RGS7: variants seen among roughly 807,000 people sequenced by gnomAD.
RGS7 encodes regulator of G protein signaling 7, also known as regulator of G-protein signaling 7.
A neutral mutation model predicts 81.1 loss-of-function variants in RGS7; 27 were observed. The observed-to-expected ratio is 0.33, with a 90% CI of 0.25 to 0.46. The LOEUF is 0.46. Among genes scored for constraint, RGS7 ranks in the 20% least tolerant of loss-of-function variants. The probability of loss-of-function intolerance (pLI) is 1.00; values close to 1 mark genes in which losing one functional copy is unlikely to be tolerated. For missense variants in RGS7, 396 were observed against 607.4 expected, an observed-to-expected ratio of 0.65 and a Z score of 3.66; for synonymous variants, 208 against 207.7, an observed-to-expected ratio of 1.00 and a Z score of -0.01.
intron 2 of RGS7, among the ~76,000 whole-genome samples, chr1:241,153,752 C>G (rs1000818801): frequency 6.6e-6 from 1 of 152,152 alleles, no homozygotes; most frequent in African/African-American, 2.4e-5. Context: ...TCAATTTGTC[C>G]AGAATAGGGA....
chr1:240,801,691 A>T (rs550434685), intron 16 of RGS7, among the ~76,000 whole-genome samples, 183 bp from the exon 17 acceptor site: 20 of 152,288 alleles, frequency 1.3e-4, no homozygotes, highest in African/African-American at 4.6e-4. Context: ...TTCTCACAGG[A>T]CATGGGCTCT....
intron 2 of RGS7, among the ~76,000 whole-genome samples, chr1:241,335,989 T>C (rs189131227): frequency 1.5e-3 from 235 of 152,254 alleles, no homozygotes; most frequent in Middle Eastern, 3.4e-3. Context: ...GTTAGAGTAG[T>C]GTGATTATGA....
chr1:240,779,418 G>A (rs1334620073), intron 18 of RGS7, among the ~76,000 whole-genome samples: 2 of 152,180 alleles, frequency 1.3e-5, no homozygotes, highest in African/African-American at 4.8e-5. Context: ...GCCTCCCAAA[G>A]TGCTGGGATA....
rs541331339 is a variant in RGS7 at position 241,080,240 on chromosome 1, T to C, written c.175+18426A>G. 1.6e-4 allele frequency among the ~76,000 whole-genome samples: 24 copies of C among 152,000 alleles called. 1 individual carries two copies. The East Asian group carries it at 4.1e-3, about 26-fold the overall frequency. ...ACAATTAATAAACCTTTTATCTTCC[T>C]GGAAGATTTCCATTTGATATGTATA... On this transcript the variant is annotated intron_variant, in intron 3 of 18. Coordinates refer to ENST00000440928, the MANE Select transcript of RGS7 (RefSeq NM_001364886.1).
intron 2 of RGS7, among the ~76,000 whole-genome samples, chr1:241,259,081 C>T (rs1447509028): frequency 6.6e-6 from 1 of 152,154 alleles, no homozygotes; most frequent in African/African-American, 2.4e-5. Flanking sequence ...CACTTCTTCG[C>T]TCACTCCCCA....
chr1:241,097,018 C>T (rs1256753987), intron 3 of RGS7, among the ~76,000 whole-genome samples: 3 of 152,000 alleles, frequency 2.0e-5, no homozygotes, highest in Non-Finnish European at 4.4e-5. Context: ...GTGGAGTTAA[C>T]TCTGAATCCT....
intron 2 of RGS7, among the ~76,000 whole-genome samples, chr1:241,179,346 G>T (rs536235199): frequency 6.6e-6 from 1 of 152,200 alleles, no homozygotes; most frequent in South Asian, 2.1e-4. Flanking sequence ...TGATCCTTCC[G>T]CCTCGGCCCC....
chr1:240,823,078 A>G, intron 10 of RGS7: 2 of 791,732 alleles, frequency 2.5e-6, no homozygotes, highest in East Asian at 2.5e-5. Context: ...GTCACCTGGA[A>G]TTGCTGAAAT....
chr1:241,069,335 C>T (rs1202822923), intron 3 of RGS7, among the ~76,000 whole-genome samples: 2 of 152,082 alleles, frequency 1.3e-5, no homozygotes, highest in African/African-American at 2.4e-5. Context: ...TGACACATCC[C>T]GAATTTAAAA....
intron 2 of RGS7, among the ~76,000 whole-genome samples, chr1:241,249,928 A>C (rs2076746559): frequency 6.7e-6 from 1 of 150,060 alleles, no homozygotes; most frequent in East Asian, 2.1e-4. Flanking sequence ...TAAACATAAC[A>C]GTTACATTTT....
intron 2 of RGS7, among the ~76,000 whole-genome samples, chr1:241,125,148 A>G (rs1238416171): frequency 6.6e-6 from 1 of 152,158 alleles, no homozygotes; most frequent in African/African-American, 2.4e-5. Flanking sequence ...TCTTAAGCCA[A>G]CTGGAGATTT....
At chr1:241,329,417 C>T (rs1160676480) in intron 2 of RGS7, among the ~76,000 whole-genome samples, 1 of 152,114 alleles carries the variant, frequency 6.6e-6, no homozygotes, top group Non-Finnish European at 1.5e-5. Context: ...TTAAAATTTC[C>T]AAATGCTTTA....
chr1:241,263,047 C>T (rs766029183), intron 2 of RGS7, among the ~76,000 whole-genome samples: 106 of 151,512 alleles, frequency 7.0e-4, no homozygotes, highest in Admixed American at 1.2e-3. Flanking sequence ...TGCAGTGAGC[C>T]GAGATCACAC....
intron 3 of RGS7, among the ~76,000 whole-genome samples, chr1:241,012,478 T>C (rs903193729): frequency 6.6e-6 from 1 of 152,168 alleles, no homozygotes. Flanking sequence ...TGTTCAGTTA[T>C]ACATAATAGG....
chr1:241,291,119 A>G (rs1391878821), intron 2 of RGS7, among the ~76,000 whole-genome samples: 1 of 152,232 alleles, frequency 6.6e-6, no homozygotes, highest in African/African-American at 2.4e-5. Flanking sequence ...AAGAGGATAA[A>G]ATAAACACAG....
At chr1:240,972,494 A>C (rs1258356188) in intron 4 of RGS7, among the ~76,000 whole-genome samples, 2 of 125,556 alleles carry the variant, frequency 1.6e-5, no homozygotes, top group African/African-American at 6.1e-5. Context: ...GGAATTGAAC[A>C]ATGAGATCAC....
At chr1:241,178,961 C>T (rs932085827) in intron 2 of RGS7, among the ~76,000 whole-genome samples, 5 of 152,220 alleles carry the variant, frequency 3.3e-5, no homozygotes, top group Admixed American at 1.3e-4. Flanking sequence ...TACACTGTAG[C>T]CCAGCCTAAA....
At chr1:241,316,730 T>G (rs755737842) in intron 2 of RGS7, among the ~76,000 whole-genome samples, 81 of 152,192 alleles carry the variant, frequency 5.3e-4, no homozygotes, top group Non-Finnish European at 9.7e-4. Context: ...CTTTTTTTGT[T>G]ATATCTTTAT....
rs73130957 is a variant in RGS7, at chr1:241,196,045, T to C, written c.79-97283A>G. ...GAAAACCACATAGCTAGATGCATCA[T>C]AGTTAAATTTCTGAAAACCAAAGTC... On this transcript the variant is annotated intron_variant, in intron 2 of 18. Transcript: ENST00000440928. Among the ~76,000 whole-genome samples the C allele has an allele frequency of 1.8e-3, 279 of 152,166 alleles. 2 individuals carry two copies. The highest frequency in any genetic ancestry group is 6.3e-3 in the African/African-American group (262 of 41,524).
Sources: gnomAD v4.1 joint callset for allele counts (sites outside exome capture counted in the v4.1 genomes callset) on GRCh38, gnomAD v4.1.1 for gene constraint, MANE v1.5 for transcripts, NCBI Gene and HGNC (gene_info 2026-07-23, HGNC 2026-07-21) for gene names.